STPG2: variants seen among roughly 807,000 people sequenced by gnomAD.
The protein encoded by STPG2 is sperm tail PG-rich repeat containing 2, also known as sperm-tail PG-rich repeat-containing protein 2.
Under a neutral mutation model 54.2 loss-of-function variants are expected in STPG2, and 56 were observed. That is an observed-to-expected ratio of 1.03 (90% CI 0.83 to 1.29). STPG2 has a LOEUF of 1.29. STPG2 is among the 50% of genes most tolerant of loss of function. STPG2 has a pLI of 0.00. For synonymous variants in STPG2, 200 were observed against 181.8 expected, an observed-to-expected ratio of 1.10 and a Z score of -0.81; for missense variants, 596 against 544.9, an observed-to-expected ratio of 1.09 and a Z score of -0.93.
chr4:98,142,812 G>C (rs1179845041), intron 1 of STPG2, among the ~76,000 whole-genome samples: 1 of 152,134 alleles, frequency 6.6e-6, no homozygotes, highest in Non-Finnish European at 1.5e-5. Flanking sequence ...AACTATTGCG[G>C]AATCAAAAGT....
intron 10 of STPG2, among the ~76,000 whole-genome samples, chr4:97,671,150 A>C (rs998031677): frequency 1.3e-5 from 2 of 152,188 alleles, no homozygotes; most frequent in African/African-American, 4.8e-5. Flanking sequence ...TCTTATTTTC[A>C]GCTTTTCTAA....
intron 5 of STPG2, among the ~76,000 whole-genome samples, chr4:97,998,152 C>A (rs1489483705): frequency 1.3e-5 from 2 of 152,152 alleles, no homozygotes; most frequent in African/African-American, 4.8e-5. Context: ...TGCCTCTTAT[C>A]CCTGTAATCC....
intron 9 of STPG2, among the ~76,000 whole-genome samples, chr4:97,784,586 GA>G (rs955037963): frequency 6.6e-6 from 1 of 151,304 alleles, no homozygotes; most frequent in South Asian, 2.1e-4. Flanking sequence ...TAGTAAAAAA[GA>G]AAAAAAAGTA....
chr4:98,018,567 G>C (rs533235760), intron 5 of STPG2, among the ~76,000 whole-genome samples: 1 of 152,290 alleles, frequency 6.6e-6, no homozygotes, highest in South Asian at 2.1e-4. Context: ...GGTATTTCTA[G>C]ATCTAGATCC....
At chr4:97,584,117 A>G (rs1220465512) in intron 10 of STPG2, among the ~76,000 whole-genome samples, 1 of 152,000 alleles carries the variant, frequency 6.6e-6, no homozygotes, top group East Asian at 1.9e-4. Flanking sequence ...CCCAAGATAC[A>G]CCACATGATA....
At chr4:97,625,745 C>T (rs1734123038) in intron 10 of STPG2, among the ~76,000 whole-genome samples, 1 of 152,182 alleles carries the variant, frequency 6.6e-6, no homozygotes, top group Non-Finnish European at 1.5e-5. Context: ...GGAAGAATCT[C>T]TAACTAAGGA....
intron 7 of STPG2, among the ~76,000 whole-genome samples, chr4:97,955,741 G>T (rs1002885363): frequency 2.0e-5 from 3 of 152,050 alleles, no homozygotes; most frequent in East Asian, 1.9e-4. Flanking sequence ...CACATCAAAG[G>T]TTAAAAACCA....
intron 8 of STPG2, among the ~76,000 whole-genome samples, chr4:97,869,282 C>A (rs1729898124): frequency 6.6e-6 from 1 of 151,384 alleles, no homozygotes; most frequent in African/African-American, 2.4e-5. Flanking sequence ...CTCTAAAATG[C>A]CCTCTAAAAT....
intron 4 of STPG2, among the ~76,000 whole-genome samples, chr4:97,543,630 A>G (rs1281650875): frequency 6.6e-6 from 1 of 152,160 alleles, no homozygotes; most frequent in Admixed American, 6.5e-5. Flanking sequence ...ATAAGAAAAT[A>G]TATCCTGCCT....
At chr4:97,517,213 A>G (rs1731092924) in intron 4 of STPG2, among the ~76,000 whole-genome samples, 1 of 152,048 alleles carries the variant, frequency 6.6e-6, no homozygotes, top group South Asian at 2.1e-4. Flanking sequence ...CAGCCCATTT[A>G]AAAATATTTA....
At chr4:98,101,551 C>T (rs564724685) in intron 5 of STPG2, among the ~76,000 whole-genome samples, 1 of 152,054 alleles carries the variant, frequency 6.6e-6, no homozygotes, top group Non-Finnish European at 1.5e-5. Context: ...TAGGTAGCAG[C>T]CAGAAAACTG....
intron 9 of STPG2, among the ~76,000 whole-genome samples, chr4:97,727,676 GA>G (rs1185276124): frequency 6.7e-6 from 1 of 150,262 alleles, no homozygotes; most frequent in Non-Finnish European, 1.5e-5. Context: ...CACACATAAA[GA>G]AAAAATACAG....
At chr4:97,680,363 C>A (rs1158934754) in intron 10 of STPG2, among the ~76,000 whole-genome samples, 1 of 151,690 alleles carries the variant, frequency 6.6e-6, no homozygotes, top group African/African-American at 2.4e-5. Flanking sequence ...AGTTGGATTC[C>A]TAGGTATTTT....
chr4:97,759,362 T>C (rs1252659059), intron 9 of STPG2, among the ~76,000 whole-genome samples: 1 of 152,172 alleles, frequency 6.6e-6, no homozygotes, highest in African/African-American at 2.4e-5. Context: ...CTTTTTACCA[T>C]CCATCTTTAG....
intron 4 of STPG2, among the ~76,000 whole-genome samples, chr4:97,483,829 A>G (rs967441954): frequency 7.9e-5 from 12 of 151,896 alleles, no homozygotes; most frequent in South Asian, 2.1e-4. Flanking sequence ...ATAGGTCATA[A>G]AACAAGCCTC....
At chr4:97,965,687 T>C (rs1734072618) in intron 7 of STPG2, among the ~76,000 whole-genome samples, 1 of 152,248 alleles carries the variant, frequency 6.6e-6, no homozygotes, top group Non-Finnish European at 1.5e-5. Context: ...CAACATTTGC[T>C]GTTCTGCAGT....
chr4:97,482,541 C>T (rs999345970), intron 4 of STPG2, among the ~76,000 whole-genome samples: 3 of 151,498 alleles, frequency 2.0e-5, no homozygotes, highest in African/African-American at 7.3e-5. Flanking sequence ...TGTACAAAGC[C>T]TCCAAGAAGT....
chr4:97,759,910 T>G (rs1560517098), intron 9 of STPG2, among the ~76,000 whole-genome samples: 1 of 152,180 alleles, frequency 6.6e-6, no homozygotes, highest in Non-Finnish European at 1.5e-5. Flanking sequence ...ACTGTTCCTC[T>G]TTCCAATCTA....
chr4:97,483,590 C>G (rs1464073148), intron 4 of STPG2, among the ~76,000 whole-genome samples: 1 of 151,550 alleles, frequency 6.6e-6, no homozygotes, highest in Non-Finnish European at 1.5e-5. Flanking sequence ...ACTACTAGAC[C>G]TAAGAAATGA....
Sources: allele counts gnomAD v4.1 joint callset (sites outside exome capture counted in the v4.1 genomes callset), GRCh38; gene constraint gnomAD v4.1.1; transcripts MANE v1.5; gene names NCBI Gene and HGNC (gene_info 2026-07-23, HGNC 2026-07-21).